RARB: variants seen among roughly 807,000 people sequenced by gnomAD.
The protein encoded by RARB is retinoic acid receptor beta.
In RARB, 17 loss-of-function variants were observed where a neutral mutation model predicts 51.9. The ratio of observed to expected loss-of-function variants is 0.33; its 90% confidence interval spans 0.22 to 0.49. The LOEUF is 0.49. Among genes scored for constraint, RARB ranks in the 20% least tolerant of loss-of-function variants. RARB has a pLI of 0.99. For synonymous variants in RARB, 215 were observed against 195.4 expected, an observed-to-expected ratio of 1.10 and a Z score of -0.84; for missense variants, 369 against 550.8, an observed-to-expected ratio of 0.67 and a Z score of 3.30.
chr3:25,226,143 G>GT (rs1268803028), intron 5 of RARB, among the ~76,000 whole-genome samples: 1 of 152,138 alleles, frequency 6.6e-6, no homozygotes, highest in Non-Finnish European at 1.5e-5. Flanking sequence ...TTTGCCATCA[G>GT]TTTTTTTAAA....
chr3:25,092,537 A>G (rs1032752207), intron 3 of RARB, among the ~76,000 whole-genome samples: 1 of 152,126 alleles, frequency 6.6e-6, no homozygotes, highest in Non-Finnish European at 1.5e-5. Context: ...AAAGTATACA[A>G]TAACTGTTAA....
At chr3:25,220,177 A>G (rs574866692) in intron 5 of RARB, among the ~76,000 whole-genome samples, 59 of 152,324 alleles carry the variant, frequency 3.9e-4, no homozygotes, top group African/African-American at 1.3e-3. Context: ...TGCTAACTCA[A>G]AGTCAACCAG....
intron 5 of RARB, among the ~76,000 whole-genome samples, chr3:25,230,607 G>A (rs1702154531): frequency 6.6e-6 from 1 of 151,712 alleles, no homozygotes; most frequent in African/African-American, 2.4e-5. Context: ...GATGTGTCAG[G>A]CATTCTTATA....
At chr3:25,227,387 A>G (rs984925987) in intron 5 of RARB, among the ~76,000 whole-genome samples, 6 of 152,212 alleles carry the variant, frequency 3.9e-5, no homozygotes, top group Non-Finnish European at 5.9e-5. Context: ...CATACTGTTC[A>G]TAAGTGTTAA....
chr3:25,080,605 T>G (rs1698974516), intron 3 of RARB, among the ~76,000 whole-genome samples: 1 of 152,200 alleles, frequency 6.6e-6, no homozygotes, highest in South Asian at 2.1e-4. Context: ...AATTTAGCCA[T>G]CCTACTTGGT....
At chr3:25,461,612 AG>A (rs2125556023) in intron 2 of RARB, among the ~76,000 whole-genome samples, 1 of 152,334 alleles carries the variant, frequency 6.6e-6, no homozygotes, top group African/African-American at 2.4e-5. Flanking sequence ...AGAACTGGCT[AG>A]GCCAGGTGTG....
At chr3:25,347,661 T>G (rs1181250430) in intron 5 of RARB, among the ~76,000 whole-genome samples, 1 of 152,212 alleles carries the variant, frequency 6.6e-6, no homozygotes, top group African/African-American at 2.4e-5. Flanking sequence ...TTTAGACATT[T>G]TGTAAAATTA....
intron 1 of RARB, among the ~76,000 whole-genome samples, chr3:25,459,238 C>T (rs74670970): frequency 0.054 from 8,262 of 152,062 alleles, 338 homozygotes; most frequent in Admixed American, 0.12. Flanking sequence ...ATCTAAGAAA[C>T]GAAAAACAAC....
chr3:25,163,514 TATATATATATATATATATATA>T (rs1559488380), intron 4 of RARB, among the ~76,000 whole-genome samples: 2 of 47,212 alleles, frequency 4.2e-5, no homozygotes, highest in African/African-American at 7.7e-5. Flanking sequence ...AATATATATA[TATATATATATATATATATATA>T]TATTTGTTTA....
chr3:25,129,569 C>T (rs957180549), intron 3 of RARB, among the ~76,000 whole-genome samples: 5 of 151,962 alleles, frequency 3.3e-5, no homozygotes, highest in African/African-American at 1.2e-4. Context: ...AAATTATAGT[C>T]ATAGACTACA....
intron 5 of RARB, among the ~76,000 whole-genome samples, chr3:25,210,102 C>G (rs918665808): frequency 6.6e-6 from 1 of 152,060 alleles, no homozygotes; most frequent in African/African-American, 2.4e-5. Context: ...AGAATAGGCT[C>G]TATTGCTTCT....
At chr3:24,920,950 A>G (rs1695204323) in intron 2 of RARB, among the ~76,000 whole-genome samples, 1 of 152,136 alleles carries the variant, frequency 6.6e-6, no homozygotes, top group African/African-American at 2.4e-5. Flanking sequence ...TAAGCTTTCT[A>G]TGGCATCACT....
chr3:24,960,462 T>C (rs1003306099), intron 2 of RARB, among the ~76,000 whole-genome samples: 1 of 152,194 alleles, frequency 6.6e-6, no homozygotes, highest in African/African-American at 2.4e-5. Context: ...TGAGCAGACA[T>C]CCTGCCAGTT....
At position 25,210,529 on chromosome 3, in the gene RARB, CTTTTTTT is replaced by C. The variant is rs773846113; in HGVS notation, c.178+35972_178+35978del. ...GAAAGCCTGAAATCTTTATCTGATTCTTTTTTTTTTTTTTTTTTTTTTTTGAGATTGA... is the reference window on the plus strand; with the variant it reads ...GAAAGCCTGAAATCTTTATCTGATTCTTTTTTTTTTTTTTTTTGAGATTGA... On this transcript the variant is annotated intron_variant, in intron 5 of 11. Transcript: ENST00000383772. 5.1e-4 allele frequency among the ~76,000 whole-genome samples: 14 copies of C among 27,632 alleles called. 1 individual carries two copies. The South Asian group carries it at 8.3e-3, about 16-fold the overall frequency. 18.1% of individuals were successfully genotyped at this position (27,632 alleles called of 152,430 possible).
intron 5 of RARB, among the ~76,000 whole-genome samples, chr3:25,282,531 G>A (rs1261869539): frequency 6.6e-6 from 1 of 152,104 alleles, no homozygotes; most frequent in African/African-American, 2.4e-5. Context: ...CCCACACATA[G>A]TAGAATCTAA....
rs140766488 is a variant in RARB at position 25,351,757 on chromosome 3, A to G, written c.179-109436A>G. Among the ~76,000 whole-genome samples, 337 of 152,164 alleles carry G rather than the reference A, an allele frequency of 2.2e-3. 4 individuals carry two copies. Among genetic ancestry groups the G allele is most frequent in the East Asian group, 4.3e-3 (22 of 5,168 alleles). Reference sequence around the variant, plus strand: ...CCTTGTTCCATCCCCATCCTCACCCATATTCATGCTTGTGTCACTGAAGTA... The same window carrying G: ...CCTTGTTCCATCCCCATCCTCACCCGTATTCATGCTTGTGTCACTGAAGTA... On this transcript the variant is annotated intron_variant, in intron 5 of 11. Coordinates refer to the RARB transcript ENST00000383772.
chr3:25,134,684 CA>C (rs925981418), intron 4 of RARB, among the ~76,000 whole-genome samples: 3 of 151,468 alleles, frequency 2.0e-5, no homozygotes, highest in South Asian at 2.1e-4. Context: ...ACATTAAGAA[CA>C]AAAAAAATGG....
chr3:25,117,923 C>A (rs1264615982), intron 3 of RARB, among the ~76,000 whole-genome samples: 3 of 152,098 alleles, frequency 2.0e-5, no homozygotes, highest in Non-Finnish European at 4.4e-5. Context: ...GAGAAAGTTA[C>A]AATTGAAGGG....
chr3:25,345,916 G>T (rs1705379286), intron 5 of RARB: 1 of 881,654 alleles, frequency 1.1e-6, no homozygotes, highest in Admixed American at 6.2e-5. Context: ...TAAAAAAAGA[G>T]AGAAAAATGT....
Sources: gnomAD v4.1 joint callset for allele counts (sites outside exome capture counted in the v4.1 genomes callset) on GRCh38, gnomAD v4.1.1 for gene constraint, MANE v1.5 for transcripts, NCBI Gene and HGNC (gene_info 2026-07-23, HGNC 2026-07-21) for gene names.